The following USP43 variants were observed in gnomAD, a reference collection of about 807,000 sequenced individuals.
USP43 encodes ubiquitin carboxyl-terminal hydrolase 43.
USP43 carries 33 observed loss-of-function variants against 90.7 expected under a neutral mutation model. The observed-to-expected ratio is 0.36, with a 90% CI of 0.28 to 0.49. The LOEUF (loss-of-function observed/expected upper bound fraction) is 0.49. Ranked by LOEUF, USP43 falls within the 20% of genes least tolerant of loss-of-function variation. The pLI is 0.98. For missense variants in USP43, 1,274 were observed against 1,476.4 expected, an observed-to-expected ratio of 0.86 and a Z score of 2.25; for synonymous variants, 598 against 615.8, an observed-to-expected ratio of 0.97 and a Z score of 0.43.
Position 9,701,798 on chromosome 17 carries a change from CT to C in USP43, c.2011+100del, listed in dbSNP as rs1357000388. On this transcript the variant is annotated intron_variant, in intron 12 of 14. Coordinates refer to ENST00000285199, the MANE Select transcript of USP43 (RefSeq NM_153210.5). The surrounding 1 kb of genome is among the most constrained non-coding windows in gnomAD (Gnocchi z 7.2). ...CTCAGATGCTGAGCTCCCTGGGGCA[CT>C]TATTGAGATCCGACCCCTCACCCAC... 9.1e-7 allele frequency: 1 copy of C among 1,095,254 alleles called. No individual in the cohort carries two copies. The highest frequency in any genetic ancestry group is 1.3e-6 in the Non-Finnish European group (1 of 787,650). 67.8% of individuals were successfully genotyped at this position (1,095,254 alleles called of 1,614,324 possible). A position where few individuals can be genotyped will look rare whatever the true frequency, so the allele number is the denominator to read the frequency against.
At chr17:9,699,691 A>C (rs1007281054) in intron 9 of USP43, among the ~76,000 whole-genome samples, 12 of 152,302 alleles carry the variant, frequency 7.9e-5, no homozygotes, top group African/African-American at 2.9e-4. Context: ...GTTGACAGGC[A>C]CTGGGATTTT....
intron 13 of USP43, among the ~76,000 whole-genome samples, chr17:9,710,967 A>G (rs1484361887): frequency 6.6e-6 from 1 of 152,190 alleles, no homozygotes; most frequent in Non-Finnish European, 1.5e-5. Context: ...AACAGTTATC[A>G]GAAAATGGCC....
intron 3 of USP43, among the ~76,000 whole-genome samples, chr17:9,668,227 T>C (rs1913173743): frequency 6.6e-6 from 1 of 152,248 alleles, no homozygotes; most frequent in African/African-American, 2.4e-5. Context: ...AGTGGTTTTT[T>C]GGAGGTCTCC....
intron 2 of USP43, 76 bp from the exon 3 acceptor site, chr17:9,666,572 T>TG: frequency 8.1e-7 from 1 of 1,233,638 alleles, no homozygotes; most frequent in Non-Finnish European, 1.2e-6. Context: ...GGAGGAAGCA[T>TG]GGGCTCGGTG....
chr17:9,673,710 C>G lies in USP43; in HGVS notation c.741-1181C>G, dbSNP rs377102044. 4.1e-4 allele frequency among the ~76,000 whole-genome samples: 62 copies of G among 152,272 alleles called. No homozygotes were observed. The South Asian group carries it at 0.013, about 31-fold the overall frequency. The stretch of plus-strand genomic sequence containing the variant: ...CTGGAAACTGAGCCTAGCTTTCTTA[C>G]TTAAGAGCTGTGTGTTCTTCAGCAA... On this transcript the variant is annotated intron_variant, in intron 3 of 14. Coordinates refer to ENST00000285199, the MANE Select transcript of USP43 (RefSeq NM_153210.5).
intron 9 of USP43, among the ~76,000 whole-genome samples, chr17:9,699,011 C>G (rs1915421121): frequency 1.3e-5 from 2 of 152,298 alleles, no homozygotes; most frequent in Admixed American, 6.5e-5. Context: ...TCTAGGGGTC[C>G]TCAGTCTGTC....
chr17:9,681,462 T>TTTTTTTTATA (rs1491455898), intron 6 of USP43, among the ~76,000 whole-genome samples: 1 of 18,578 alleles, frequency 5.4e-5, no homozygotes, highest in East Asian at 3.6e-3. Context: ...ATAAAATATA[T>TTTTTTTTATA]TATATATATA....
At chr17:9,675,048 T>G (rs1274237653) in intron 4 of USP43, 65 bp downstream of exon 4, 10 of 1,434,582 alleles carry the variant, frequency 7.0e-6, no homozygotes, top group Non-Finnish European at 9.8e-6. Context: ...CGGGGAAGCT[T>G]CTGGCCTCAC....
At chr17:9,688,441 C>G (rs1914731155) in intron 8 of USP43, among the ~76,000 whole-genome samples, 2 of 151,346 alleles carry the variant, frequency 1.3e-5, no homozygotes, top group African/African-American at 2.4e-5. Context: ...ACCTCCGCCT[C>G]CCAGGTTCAA....
At chr17:9,719,681 G>A (rs1916819953) in intron 14 of USP43, among the ~76,000 whole-genome samples, 1 of 152,198 alleles carries the variant, frequency 6.6e-6, no homozygotes, top group South Asian at 2.1e-4. Flanking sequence ...GACTGCAAGA[G>A]CCTTGCTTCC....
chr17:9,687,231 C>A (rs1597852315), intron 8 of USP43, among the ~76,000 whole-genome samples: 2 of 152,202 alleles, frequency 1.3e-5, no homozygotes, highest in African/African-American at 4.8e-5. Context: ...CATTTTCCAT[C>A]ATTCCCTAAG....
In USP43 at chr17:9,701,326, C is replaced by G; in HGVS notation, c.1663-26C>G. The G allele has an allele frequency of 6.3e-7, 1 of 1,587,522 alleles. No homozygotes were observed. Among genetic ancestry groups the G allele is most frequent in the South Asian group, 1.1e-5 (1 of 87,248 alleles). ...GGTTGGCCACGTGCTGCGGGGGCCT[C>G]ACAGTCCGGGTGGTTTGCTTTCCAG... On this transcript the variant is annotated intron_variant, in intron 11 of 14. Transcript: ENST00000285199. This position sits in a 1 kb window ranked among gnomAD's most constrained non-coding sequence, Gnocchi z 7.2.
chr17:9,683,993 C>G (rs1309369167), intron 7 of USP43, among the ~76,000 whole-genome samples: 2 of 151,916 alleles, frequency 1.3e-5, no homozygotes, highest in Non-Finnish European at 2.9e-5. Context: ...AAAAACTATC[C>G]AGGTGTGGTG....
At chr17:9,690,923 C>T (rs1007420123) in intron 8 of USP43, among the ~76,000 whole-genome samples, 2 of 152,074 alleles carry the variant, frequency 1.3e-5, no homozygotes, top group Non-Finnish European at 1.5e-5. Context: ...AACAATTCCA[C>T]GTTTTCTCCT....
intron 9 of USP43, among the ~76,000 whole-genome samples, chr17:9,697,149 G>A (rs894110259): frequency 2.0e-5 from 3 of 152,074 alleles, no homozygotes; most frequent in Admixed American, 6.5e-5. Flanking sequence ...CCCAGGATGC[G>A]GAGCTTGCAG....
rs536673290 is a variant in USP43 at position 9,652,741 on chromosome 17, A to G, written c.505-3662A>G. Among the ~76,000 whole-genome samples the G allele has an allele frequency of 5.3e-5, 8 of 152,308 alleles. No homozygotes were observed. In the South Asian group the frequency reaches 1.2e-3, roughly 24 times the overall value. On this transcript the variant is annotated intron_variant, in intron 1 of 14. Transcript: ENST00000285199. ...AAAAAAATTCCAAGAAATACCTGCC[A>G]AATACTTTATAACTGGAAAAAGACA...
rs577007118 is a variant in USP43 at position 9,719,023 on chromosome 17, G to A, written c.2335+6891G>A. ...CATGCCTGTAATCCCAGCTACTCGG[G>A]AGGCTGAGGCAGGAGAATCACTTGA... On this transcript the variant is annotated intron_variant, in intron 14 of 14. Coordinates refer to ENST00000285199, the MANE Select transcript of USP43 (RefSeq NM_153210.5). 8.1e-4 allele frequency among the ~76,000 whole-genome samples: 124 copies of A among 152,280 alleles called. No homozygotes were observed. The South Asian group carries it at 8.7e-3, about 11-fold the overall frequency.
At position 9,651,191 on chromosome 17, in the gene USP43, T is replaced by G. The variant is rs183354118; in HGVS notation, c.504+5055T>G. ...TGTTTGATGTTTTTTTTGTTTGTTT[T>G]TTTTGTTTTTTATTTGAGACAGAGT... On this transcript the variant is annotated intron_variant, in intron 1 of 14. Coordinates refer to ENST00000285199, the MANE Select transcript of USP43 (RefSeq NM_153210.5). Among the ~76,000 whole-genome samples the G allele has an allele frequency of 6.9e-3, 1,047 of 152,202 alleles. 8 individuals carry two copies. The highest frequency in any genetic ancestry group is 0.023 in the African/African-American group (961 of 41,520).
At chr17:9,659,334 C>T (rs1023251594) in intron 2 of USP43, among the ~76,000 whole-genome samples, 2 of 152,146 alleles carry the variant, frequency 1.3e-5, no homozygotes, top group African/African-American at 4.8e-5. Context: ...AGTTATCATG[C>T]TTTACTATTA....
Sources: gnomAD v4.1 joint callset for allele counts (sites outside exome capture counted in the v4.1 genomes callset) on GRCh38, gnomAD v4.1.1 for gene constraint, Gnocchi (gnomAD v3.1) non-coding constraint, MANE v1.5 for transcripts, NCBI Gene and HGNC (gene_info 2026-07-23, HGNC 2026-07-21) for gene names.